The following CACNA1E variants were observed in gnomAD, a reference collection of about 807,000 sequenced individuals.
CACNA1E encodes the protein calcium voltage-gated channel subunit alpha1 E.
A neutral mutation model predicts 259.2 loss-of-function variants in CACNA1E; 40 were observed. That is an observed-to-expected ratio of 0.15 (90% CI 0.12 to 0.20). The LOEUF is 0.20. Ranked by LOEUF, CACNA1E falls within the 10% of genes least tolerant of loss-of-function variation. The pLI is 1.00. For missense variants in CACNA1E, 1,874 were observed against 3,040.1 expected, an observed-to-expected ratio of 0.62 and a Z score of 9.02; for synonymous variants, 1,104 against 1,138.5, an observed-to-expected ratio of 0.97 and a Z score of 0.61.
intron 3 of CACNA1E, among the ~76,000 whole-genome samples, chr1:181,556,034 C>A (rs1648683739): frequency 1.3e-5 from 2 of 152,300 alleles, no homozygotes; most frequent in South Asian, 4.1e-4. Context: ...CAAAGATGAG[C>A]CTAGTTCTCT....
intron 6 of CACNA1E, among the ~76,000 whole-genome samples, chr1:181,581,752 T>C (rs1448598193): frequency 6.6e-6 from 1 of 152,174 alleles, no homozygotes; most frequent in Non-Finnish European, 1.5e-5. Context: ...GCAGGTGCTT[T>C]TGAAGGACTG....
intron 1 of CACNA1E, among the ~76,000 whole-genome samples, chr1:181,339,845 A>T (rs1652011988): frequency 6.6e-6 from 1 of 152,118 alleles, no homozygotes; most frequent in Non-Finnish European, 1.5e-5. Context: ...TTTGTATATT[A>T]AGCAAATTAG....
In CACNA1E at chr1:181,801,003, C is replaced by A. The variant is rs1662232785; in HGVS notation, c.*2169C>A. 6.6e-6 allele frequency: 1 copy of A among 152,658 alleles called. No individual in the cohort carries two copies. Among genetic ancestry groups the A allele is most frequent in the South Asian group, 2.1e-4 (1 of 4,832 alleles). 9.5% of individuals were successfully genotyped at this position (152,658 alleles called of 1,614,324 possible). A position where few individuals can be genotyped will look rare whatever the true frequency, so the allele number is the denominator to read the frequency against. On this transcript the variant is annotated 3_prime_UTR_variant, in exon 48 of 48. Transcript: ENST00000367573. ...GTGGCTGGGAATGTGATATACAGCA[C>A]CCTGATCCTAACAGGTGTGATTGTT...
Position 181,711,075 on chromosome 1 carries a change from CCTGGGGGGCTGCAGGAGG to C in CACNA1E, c.1171+11_1171+28del, listed in dbSNP as rs745773230. ...TGCCTGGATAGACAAAGCAGGTAGGCCTGGGGGGCTGCAGGAGGCTGGTGAGTGGGCTGCAGAGACATC... is the reference window on the plus strand; with the variant it reads ...TGCCTGGATAGACAAAGCAGGTAGGCCTGGTGAGTGGGCTGCAGAGACATC... On this transcript the variant is annotated splice_region_variant and intron_variant, in intron 8 of 47. Coordinates refer to ENST00000367573, the MANE Select transcript of CACNA1E (RefSeq NM_001205293.3). 8.1e-6 allele frequency: 13 copies of C among 1,598,062 alleles called. No individual in the cohort carries two copies. The highest frequency in any genetic ancestry group is 1.1e-5 in the Non-Finnish European group (13 of 1,165,554).
At chr1:181,436,214 A>G (rs2102273748) in intron 2 of CACNA1E, among the ~76,000 whole-genome samples, 1 of 152,348 alleles carries the variant, frequency 6.6e-6, no homozygotes, top group Non-Finnish European at 1.5e-5. Flanking sequence ...GAGACAAACA[A>G]TGAATGTTGG....
intron 6 of CACNA1E, among the ~76,000 whole-genome samples, chr1:181,585,004 A>G (rs771654202): frequency 1.3e-4 from 19 of 148,788 alleles, no homozygotes; most frequent in Non-Finnish European, 2.4e-4. Flanking sequence ...GCTCTGGAAT[A>G]AACTGGTCCC....
intron 1 of CACNA1E, among the ~76,000 whole-genome samples, chr1:181,328,143 T>C (rs2102585988): frequency 6.6e-6 from 1 of 152,272 alleles, no homozygotes; most frequent in East Asian, 1.9e-4. Context: ...ATGTTCACAG[T>C]TCTGGAGGCT....
chr1:181,631,270 T>C (rs890536632), intron 6 of CACNA1E, among the ~76,000 whole-genome samples: 1 of 152,168 alleles, frequency 6.6e-6, no homozygotes, highest in African/African-American at 2.4e-5. Context: ...AGAATAGACT[T>C]ACTCTGGAAA....
intron 3 of CACNA1E, among the ~76,000 whole-genome samples, chr1:181,562,630 A>G (rs1306345739): frequency 6.6e-6 from 1 of 152,208 alleles, no homozygotes. Context: ...CGTAGCTGGC[A>G]AGGTAAAAAT....
In CACNA1E at chr1:181,441,924, G is replaced by A. The variant is rs146384689; in HGVS notation, c.434+28344G>A. Among the ~76,000 whole-genome samples the A allele has an allele frequency of 7.8e-4, 119 of 152,252 alleles. 1 individual carries two copies. In the East Asian group the frequency reaches 0.021, roughly 27 times the overall value. Reference sequence around the variant, plus strand: ...GAGAGAGTGAGGGAAGAAAGGAGGGGAGCCGAGAGTTAGAAAAGCCTTAAT... The same window carrying A: ...GAGAGAGTGAGGGAAGAAAGGAGGGAAGCCGAGAGTTAGAAAAGCCTTAAT... On this transcript the variant is annotated intron_variant, in intron 2 of 11. Coordinates refer to the CACNA1E transcript ENST00000524607.
chr1:181,544,641 C>A (rs947866084), intron 3 of CACNA1E, among the ~76,000 whole-genome samples: 1 of 152,144 alleles, frequency 6.6e-6, no homozygotes, highest in African/African-American at 2.4e-5. Flanking sequence ...ATGTAGCTGG[C>A]GTTTTAGCAC....
chr1:181,501,337 A>C (rs879406556), intron 1 of CACNA1E, among the ~76,000 whole-genome samples: 5 of 152,230 alleles, frequency 3.3e-5, no homozygotes, highest in Non-Finnish European at 7.3e-5. Context: ...ATCCTTTGGG[A>C]ATCAGGGCCC....
rs1369257610 is a variant in CACNA1E at position 181,758,396 on chromosome 1, TC to T, written c.4494+287del. Among the ~76,000 whole-genome samples, 3 of 152,050 alleles carry T rather than the reference TC, an allele frequency of 2.0e-5. No individual in the cohort carries two copies. The highest frequency in any genetic ancestry group is 4.1e-4 in the South Asian group (2 of 4,820). On this transcript the variant is annotated intron_variant, in intron 31 of 47. Coordinates refer to ENST00000367573, the MANE Select transcript of CACNA1E (RefSeq NM_001205293.3). The surrounding 1 kb of genome is among the most constrained non-coding windows in gnomAD (Gnocchi z 4.2). The stretch of plus-strand genomic sequence containing the variant: ...GGGTGGAAAAATCAGGAGACAGAGA[TC>T]CATCATCACGGGGTCTAAAGGAGCC...
At chr1:181,377,835 A>G (rs1655201878) in intron 1 of CACNA1E, among the ~76,000 whole-genome samples, 2 of 152,212 alleles carry the variant, frequency 1.3e-5, no homozygotes, top group African/African-American at 2.4e-5. Context: ...AAACAAATAC[A>G]ATGAGCTAGT....
chr1:181,437,028 A>G (rs1353212747), intron 2 of CACNA1E, among the ~76,000 whole-genome samples: 1 of 152,202 alleles, frequency 6.6e-6, no homozygotes, highest in Admixed American at 6.5e-5. Flanking sequence ...AAAACCCCCA[A>G]AAAAGCATGT....
intron 6 of CACNA1E, among the ~76,000 whole-genome samples, chr1:181,646,137 C>T (rs768281168): frequency 1.9e-4 from 29 of 152,214 alleles, no homozygotes; most frequent in Non-Finnish European, 4.0e-4. Flanking sequence ...TTTTTGCTAG[C>T]CTATGTTGGC....
rs758911346 is a variant in CACNA1E, at chr1:181,580,874, CTA to C, written c.951+100_951+101del. 58 of 1,033,240 alleles carry C rather than the reference CTA, an allele frequency of 5.6e-5. No individual in the cohort carries two copies. The Middle Eastern group carries it at 9.9e-4, about 18-fold the overall frequency. 64.0% of individuals were successfully genotyped at this position (1,033,240 alleles called of 1,614,324 possible). On this transcript the variant is annotated intron_variant, in intron 6 of 47. Coordinates refer to ENST00000367573, the MANE Select transcript of CACNA1E (RefSeq NM_001205293.3). ...CTGGCTAGTCCGGGGACAGGGAGGG[CTA>C]TGGATATAGGTGTATTGGGATGGGA...
chr1:181,530,243 T>A (rs1667680827), intron 3 of CACNA1E, among the ~76,000 whole-genome samples: 1 of 152,218 alleles, frequency 6.6e-6, no homozygotes, highest in African/African-American at 2.4e-5. Flanking sequence ...TCACCTCCCA[T>A]CATGATTCTG....
intron 1 of CACNA1E, among the ~76,000 whole-genome samples, chr1:181,409,488 C>T (rs1359115549): frequency 6.6e-6 from 1 of 152,146 alleles, no homozygotes; most frequent in East Asian, 1.9e-4. Flanking sequence ...TAATGGTCAC[C>T]ATAAGCACCT....
Sources: gnomAD v4.1 joint callset for allele counts (sites outside exome capture counted in the v4.1 genomes callset) on GRCh38, gnomAD v4.1.1 for gene constraint, Gnocchi (gnomAD v3.1) non-coding constraint, MANE v1.5 for transcripts, NCBI Gene and HGNC (gene_info 2026-07-23, HGNC 2026-07-21) for gene names.